The following PREX1 variants were observed in gnomAD, a reference collection of about 807,000 sequenced individuals.
PREX1 encodes phosphatidylinositol 3,4,5-trisphosphate-dependent Rac exchanger 1 protein.
PREX1 carries 41 observed loss-of-function variants against 198.3 expected under a neutral mutation model. The ratio of observed to expected loss-of-function variants is 0.21; its 90% CI spans 0.16 to 0.27. The LOEUF is 0.27. Among genes scored for constraint, PREX1 ranks in the 10% least tolerant of loss-of-function variants. The pLI, the probability that PREX1 is intolerant of heterozygous loss-of-function variation, is 1.00. For synonymous variants in PREX1, 843 were observed against 887.2 expected (o/e 0.95, Z 0.89); for missense variants, 1,620 against 2,200.7 (o/e 0.74, Z 5.28).
In PREX1 at chr20:48,657,193, G is replaced by A; in HGVS notation, c.1975-5C>T. The A allele has an allele frequency of 6.2e-7, 1 of 1,613,504 alleles. No individual in the cohort carries two copies. Among genetic ancestry groups the A allele is most frequent in the Non-Finnish European group, 8.5e-7 (1 of 1,179,692 alleles). On this transcript the variant is annotated splice_region_variant and splice_polypyrimidine_tract_variant and intron_variant, in intron 17 of 39. Transcript: ENST00000371941. Reference sequence around the variant, plus strand: ...CCCCACCTGCAGGCCAGCCACCTGGGTAGGGACGGCAGAGGACAGACGTGC... The same window carrying A: ...CCCCACCTGCAGGCCAGCCACCTGGATAGGGACGGCAGAGGACAGACGTGC...
chr20:48,783,272 C>A (rs953481952), intron 1 of PREX1, among the ~76,000 whole-genome samples: 7 of 152,078 alleles, frequency 4.6e-5, no homozygotes, highest in Non-Finnish European at 1.0e-4. Context: ...AACAATGAGA[C>A]TGGCCACTGG....
chr20:48,685,745 G>C (rs891732971), intron 10 of PREX1, among the ~76,000 whole-genome samples: 1 of 152,076 alleles, frequency 6.6e-6, no homozygotes, highest in African/African-American at 2.4e-5. Context: ...ATAAAAATTA[G>C]CTATAGAAGC....
At chr20:48,818,256 T>G (rs1363915025) in intron 1 of PREX1, among the ~76,000 whole-genome samples, 1 of 152,206 alleles carries the variant, frequency 6.6e-6, no homozygotes, top group Non-Finnish European at 1.5e-5. Flanking sequence ...TGGGGATGAC[T>G]GCATAACTTG....
chr20:48,853,524 C>A, the PREX1 span, among the ~76,000 whole-genome samples: 828 of 152,268 alleles, frequency 5.4e-3, 3 homozygotes, highest in African/African-American at 0.019. Context: ...CCCCATGATT[C>A]AATTACCTCC....
intron 29 of PREX1, among the ~76,000 whole-genome samples, chr20:48,641,211 A>G (rs895607769): frequency 6.6e-6 from 1 of 152,220 alleles, no homozygotes; most frequent in African/African-American, 2.4e-5. Flanking sequence ...TGGTGTTGGT[A>G]AGCCCTTAAC....
chr20:48,704,553 C>T (rs901762497), intron 6 of PREX1, among the ~76,000 whole-genome samples: 2 of 150,992 alleles, frequency 1.3e-5, no homozygotes, highest in Non-Finnish European at 2.9e-5. Flanking sequence ...TCCTTCCTTC[C>T]TTCCTCCCTC....
chr20:48,816,892 C>T (rs934521506), intron 1 of PREX1, among the ~76,000 whole-genome samples: 1 of 152,160 alleles, frequency 6.6e-6, no homozygotes, highest in African/African-American at 2.4e-5. Flanking sequence ...ACAGAAACTT[C>T]GAGGTAATTA....
At chr20:48,693,163 A>C (rs1200351490) in intron 7 of PREX1, among the ~76,000 whole-genome samples, 3 of 151,548 alleles carry the variant, frequency 2.0e-5, no homozygotes, top group Non-Finnish European at 4.4e-5. Flanking sequence ...ACCAGAATGG[A>C]AGGAGGGCTT....
chr20:48,774,365 A>G (rs1037396033), intron 1 of PREX1, among the ~76,000 whole-genome samples: 1 of 152,194 alleles, frequency 6.6e-6, no homozygotes, highest in Non-Finnish European at 1.5e-5. Context: ...GAAAGCTGCT[A>G]TCTCTGTGTG....
chr20:48,734,699 A>T, intron 3 of PREX1, 49 bp from the exon 4 acceptor site: 1 of 1,547,814 alleles, frequency 6.5e-7, no homozygotes, highest in Non-Finnish European at 8.9e-7. Context: ...GGTAGCAGGC[A>T]GGTGCCCTGA....
chr20:48,796,008 C>T (rs2090360811), intron 1 of PREX1, among the ~76,000 whole-genome samples: 1 of 152,208 alleles, frequency 6.6e-6, no homozygotes, highest in Non-Finnish European at 1.5e-5. Flanking sequence ...GAAAGCTGCA[C>T]ACCAGCCTAT....
chr20:48,654,400 T>C (rs918324660), intron 19 of PREX1, among the ~76,000 whole-genome samples: 1 of 152,230 alleles, frequency 6.6e-6, no homozygotes, highest in African/African-American at 2.4e-5. Flanking sequence ...ACCAAGGCAC[T>C]GCTGACATTT....
chr20:48,713,857 T>TAAAA (rs71337452), intron 5 of PREX1, among the ~76,000 whole-genome samples: 1 of 81,734 alleles, frequency 1.2e-5, no homozygotes, highest in Non-Finnish European at 2.5e-5. Flanking sequence ...CCCAGAACTA[T>TAAAA]AAAAAAAAAA....
At chr20:48,795,623 AACC>A (rs1240386821) in intron 1 of PREX1, among the ~76,000 whole-genome samples, 1 of 152,100 alleles carries the variant, frequency 6.6e-6, no homozygotes, top group Non-Finnish European at 1.5e-5. Flanking sequence ...AAAAGGCAGG[AACC>A]ACCAAGATGC....
At chr20:48,755,879 T>C (rs8182824) in intron 1 of PREX1, among the ~76,000 whole-genome samples, 3 of 152,244 alleles carry the variant, frequency 2.0e-5, no homozygotes, top group African/African-American at 7.2e-5. Flanking sequence ...AACATGCTAC[T>C]TTTTAAGCAA....
Position 48,651,033 on chromosome 20 carries a change from T to C in PREX1, c.2678A>G (p.Asn893Ser). 1 of 1,614,160 alleles carries C rather than the reference T, an allele frequency of 6.2e-7. No homozygotes were observed. Reference sequence around the variant, plus strand: ...GCAGTTCTCCACGAAGACGCTGTCATTGGCAGCAAAGGCCTCGAGGATCTG... The same window carrying C: ...GCAGTTCTCCACGAAGACGCTGTCACTGGCAGCAAAGGCCTCGAGGATCTG... Reference protein sequence around the residue: ...TAKILEAFAANDSVFVENCRR... With the variant: ...TAKILEAFAASDSVFVENCRR... The change falls in exon 23 of 40, where the codon AAT becomes AGT. Residue 893 changes from asparagine (N) to serine (S), a missense_variant. By Grantham distance (46) the Asn-to-Ser change is conservative. Around this residue, in one of 7 missense-constraint regions of PREX1, gnomAD observed 514 missense variants for 611.6 expected, o/e 0.84. Transcript: ENST00000371941.
At chr20:48,862,608 C>T in the PREX1 span, among the ~76,000 whole-genome samples, 2 of 151,524 alleles carry the variant, frequency 1.3e-5, no homozygotes, top group South Asian at 4.2e-4. Flanking sequence ...CTAAGTTGTA[C>T]AAGGTGATCA....
the PREX1 span, among the ~76,000 whole-genome samples, chr20:48,869,247 C>T: frequency 3.3e-5 from 5 of 152,008 alleles, no homozygotes; most frequent in African/African-American, 1.2e-4. Context: ...TGTATTCCAC[C>T]ATACGGATGA....
In PREX1 at chr20:48,816,425, G is replaced by A. The variant is rs142079456; in HGVS notation, c.219+11217C>T. On this transcript the variant is annotated intron_variant, in intron 1 of 39. Transcript: ENST00000371941. ...ATTGTGACTGGTAAATGACAGAGGC[G>A]AAGGGATTTTGCAGATATAATCAGG... 2.2e-3 allele frequency among the ~76,000 whole-genome samples: 341 copies of A among 152,258 alleles called. 1 individual carries two copies. The highest frequency in any genetic ancestry group is 0.01 in the Middle Eastern group (3 of 294).
Sources: allele counts gnomAD v4.1 joint callset (sites outside exome capture counted in the v4.1 genomes callset), GRCh38; gene constraint gnomAD v4.1.1; regional missense constraint gnomAD v4.1.1; transcripts MANE v1.5; gene names NCBI Gene and HGNC (gene_info 2026-07-23, HGNC 2026-07-21).